The following KIF18B variants were observed in gnomAD, a reference collection of about 807,000 sequenced individuals.
KIF18B encodes kinesin family member 18B.
KIF18B carries 49 observed loss-of-function variants against 80.9 expected under a neutral mutation model. That is an observed-to-expected ratio of 0.61 (90% confidence interval 0.48 to 0.77). The LOEUF (loss-of-function observed/expected upper bound fraction) is 0.77. KIF18B is among the 30% of genes least tolerant of loss of function. The probability of loss-of-function intolerance (pLI) is 0.00; values close to 1 mark genes in which losing one functional copy is unlikely to be tolerated. For synonymous variants in KIF18B, 439 were observed against 463.9 expected (o/e 0.95, Z 0.69); for missense variants, 994 against 1,127.7 (o/e 0.88, Z 1.70).
At chr17:44,943,178 C>A (rs1010106612) in intron 1 of KIF18B, among the ~76,000 whole-genome samples, 1 of 152,146 alleles carries the variant, frequency 6.6e-6, no homozygotes, top group African/African-American at 2.4e-5. Context: ...CGGCTCACTG[C>A]AAGCTCCGCC....
rs760784182 is a variant in KIF18B, at chr17:44,931,625, T to C, written c.1494A>G (p.Glu498=). The stretch of plus-strand genomic sequence containing the variant: ...ACTGCTTAGAACGGTCCCCATCCAG[T>C]TCCCGTGCTGAGAAGTGGCCCACGA... ...KPVVGHFSAR[E]LDGDRSKQLA... The change falls in exon 11 of 16, where the codon GAA becomes GAG. Residue 498 remains glutamate (E), a synonymous_variant. Coordinates refer to ENST00000593135, the MANE Select transcript of KIF18B (RefSeq NM_001265577.2). 5 of 1,613,928 alleles carry C rather than the reference T, an allele frequency of 3.1e-6. No individual in the cohort carries two copies. The South Asian group carries it at 5.5e-5, about 18-fold the overall frequency.
chr17:44,926,443 T>C lies in KIF18B; in HGVS notation c.2423A>G (p.Lys808Arg). ...RIARLPSSTLKRPAGPLVLPE... is the reference protein window; with the variant it reads ...RIARLPSSTLRRPAGPLVLPE... ...GAGTACAAGGGGCCCAGCTGGCCTC[T>C]TCAAAGTGCTGCTGGGGAGGCGGGC... Residue 808 changes from lysine (K) to arginine (R), a missense_variant, in exon 15 of 16, where the codon AAG becomes AGG. Physicochemically the swap from Lys to Arg is conservative, Grantham distance 26. Transcript: ENST00000593135. 6.3e-7 allele frequency: 1 copy of C among 1,584,918 alleles called. No individual in the cohort carries two copies.
rs964775346 is a variant in KIF18B at position 44,936,439 on chromosome 17, C to T, written c.-14-81G>A. ...CCCCCTCAGTACTCCAAGGTCCCCT[C>T]CACCCACTCCCAATGACTGGTCTCT... On this transcript the variant is annotated intron_variant, in intron 1 of 15. Transcript: ENST00000593135. The T allele has an allele frequency of 2.7e-5, 32 of 1,173,768 alleles. No individual in the cohort carries two copies. In the African/African-American group the frequency reaches 5.0e-4, roughly 18 times the overall value. 72.7% of individuals were successfully genotyped at this position (1,173,768 alleles called of 1,614,324 possible).
chr17:44,926,291 C>T, intron 15 of KIF18B, 105 bp from the exon 16 acceptor site: 1 of 1,577,132 alleles, frequency 6.3e-7, no homozygotes, highest in Non-Finnish European at 8.6e-7. Context: ...AGCAGCATCC[C>T]TGAGATGCTT....
Position 44,944,316 on chromosome 17 carries a change from C to T in KIF18B, c.-15+3312G>A, listed in dbSNP as rs974900892. ...GGAGTGCAATGGCGTGGTCTCAGCTCACTGCAACCTCCGAGTCCCCGGTCC... is the reference window on the plus strand; with the variant it reads ...GGAGTGCAATGGCGTGGTCTCAGCTTACTGCAACCTCCGAGTCCCCGGTCC... On this transcript the variant is annotated intron_variant, in intron 1 of 15. Transcript: ENST00000593135. Among the ~76,000 whole-genome samples, 3 of 151,922 alleles carry T rather than the reference C, an allele frequency of 2.0e-5. No individual in the cohort carries two copies. The East Asian group carries it at 5.8e-4, about 30-fold the overall frequency.
At position 44,943,003 on chromosome 17, in the gene KIF18B, C is replaced by G. The variant is rs577608260; in HGVS notation, c.-15+4625G>C. Among the ~76,000 whole-genome samples, 6 of 152,344 alleles carry G rather than the reference C, an allele frequency of 3.9e-5. No homozygotes were observed. In the South Asian group the frequency reaches 6.2e-4, roughly 16 times the overall value. On this transcript the variant is annotated intron_variant, in intron 1 of 15. Coordinates refer to ENST00000593135, the MANE Select transcript of KIF18B (RefSeq NM_001265577.2). Reference sequence around the variant, plus strand: ...GCCCTGCAATTGGGCTTGGGTAGCTCCCATCTCCCCCTCACCTTGGTACCC... The same window carrying G: ...GCCCTGCAATTGGGCTTGGGTAGCTGCCATCTCCCCCTCACCTTGGTACCC...
At chr17:44,938,852 T>C (rs910553440) in intron 1 of KIF18B, among the ~76,000 whole-genome samples, 1 of 151,056 alleles carries the variant, frequency 6.6e-6, no homozygotes, top group African/African-American at 2.4e-5. Context: ...CGAGACCAGC[T>C]TGACTAACAT....
intron 1 of KIF18B, among the ~76,000 whole-genome samples, chr17:44,939,263 CG>C (rs1217810630): frequency 7.2e-6 from 1 of 138,802 alleles, no homozygotes; most frequent in African/African-American, 2.7e-5. Flanking sequence ...CGCAGCTACT[CG>C]GAAGGCTGAG....
chr17:44,927,125 A>G lies in KIF18B; in HGVS notation c.2277-47T>C, dbSNP rs1296222494. Reference sequence around the variant, plus strand: ...GGAGGCTGATCAGCAGGGAACCGGAAGCAAGGCCAGCCACTTCCTCCCTCC... The same window carrying G: ...GGAGGCTGATCAGCAGGGAACCGGAGGCAAGGCCAGCCACTTCCTCCCTCC... On this transcript the variant is annotated intron_variant, in intron 13 of 15. Coordinates refer to ENST00000593135, the MANE Select transcript of KIF18B (RefSeq NM_001265577.2). The surrounding 1 kb of genome is among the most constrained non-coding windows in gnomAD (Gnocchi z 4.1). 30 of 1,432,896 alleles carry G rather than the reference A, an allele frequency of 2.1e-5. No homozygotes were observed. The highest frequency in any genetic ancestry group is 2.9e-5 in the Non-Finnish European group (30 of 1,046,662). 88.8% of individuals were successfully genotyped at this position (1,432,896 alleles called of 1,614,324 possible).
At chr17:44,931,780 T>C in intron 10 of KIF18B, 51 bp from the exon 11 acceptor site, 1 of 1,597,072 alleles carries the variant, frequency 6.3e-7, no homozygotes, top group Non-Finnish European at 8.5e-7. Flanking sequence ...GGCCTCCTCA[T>C]CTTTATAAAC....
intron 1 of KIF18B, among the ~76,000 whole-genome samples, chr17:44,945,498 T>A (rs2052493360): frequency 6.6e-6 from 1 of 152,258 alleles, no homozygotes; most frequent in Non-Finnish European, 1.5e-5. Flanking sequence ...CCTCTAAGTA[T>A]CGCTTTAACT....
intron 1 of KIF18B, among the ~76,000 whole-genome samples, chr17:44,938,231 G>T (rs940789222): frequency 2.6e-5 from 4 of 152,164 alleles, no homozygotes; most frequent in Admixed American, 2.0e-4. Flanking sequence ...GGCCAGGCTG[G>T]TCTCAAACTC....
Position 44,928,859 on chromosome 17 carries a change from G to A in KIF18B, c.1683C>T (p.Ala561=), listed in dbSNP as rs2052087664. 4 of 1,613,730 alleles carry A rather than the reference G, an allele frequency of 2.5e-6. No homozygotes were observed. Among genetic ancestry groups the A allele is most frequent in the Non-Finnish European group, 3.4e-6 (4 of 1,179,824 alleles). ...GCTCCTGAGCCAGAGGTGCCCCCCT[G>A]GCCAGGCCTGAAGTCCTCAAGGCCT... ...GAEALRTSGL[A]RGAPLAQELC... Residue 561 remains alanine (A), a synonymous_variant, in exon 12 of 16, where the codon GCC becomes GCT. Transcript: ENST00000593135.
At position 44,927,861 on chromosome 17, in the gene KIF18B, GGCA is replaced by G. The variant is rs1293799158; in HGVS notation, c.2276+162_2276+164del. Among the ~76,000 whole-genome samples the G allele has an allele frequency of 1.3e-5, 2 of 152,174 alleles. No homozygotes were observed. Among genetic ancestry groups the G allele is most frequent in the Non-Finnish European group, 2.9e-5 (2 of 68,030 alleles). ...GCCCCAGGAGAAGTGACACCTCCCT[GGCA>G]GCTGTTGGGCCTGGGGAGCAAAGCG... On this transcript the variant is annotated intron_variant, in intron 13 of 15. Transcript: ENST00000593135. The surrounding 1 kb of genome is among the most constrained non-coding windows in gnomAD (Gnocchi z 4.1).
chr17:44,935,110 G>T, intron 3 of KIF18B, 149 bp downstream of exon 3: 2 of 930,218 alleles, frequency 2.2e-6, no homozygotes, highest in Non-Finnish European at 3.2e-6. Context: ...TGTCTCTAGT[G>T]CAGCATCTCA....
At chr17:44,940,165 G>A (rs1363625708) in intron 1 of KIF18B, among the ~76,000 whole-genome samples, 2 of 152,184 alleles carry the variant, frequency 1.3e-5, no homozygotes, top group South Asian at 2.1e-4. Flanking sequence ...CTTGTATCTG[G>A]CCACATTGCT....
rs561680670 is a variant in KIF18B, at chr17:44,927,589, C to T, written c.2276+437G>A. On this transcript the variant is annotated intron_variant, in intron 13 of 15. Transcript: ENST00000593135. The surrounding 1 kb of genome is among the most constrained non-coding windows in gnomAD (Gnocchi z 4.1). ...TTTTCTAAGGACCCCCTTTCCTGTT[C>T]CAGATGCTGGGCCGGAGGCCAAAAT... 6.6e-6 allele frequency among the ~76,000 whole-genome samples: 1 copy of T among 152,366 alleles called. No homozygotes were observed. Among genetic ancestry groups the T allele is most frequent in the South Asian group, 2.1e-4 (1 of 4,830 alleles).
rs1016022506 is a variant in KIF18B at position 44,927,050 on chromosome 17, C to A, written c.2305G>T (p.Gly769Cys). The change falls in exon 14 of 16, where the codon GGC becomes TGC. Residue 769 changes from glycine to cysteine, a missense_variant. Coordinates refer to ENST00000593135, the MANE Select transcript of KIF18B (RefSeq NM_001265577.2). The surrounding 1 kb of genome is among the most constrained non-coding windows in gnomAD (Gnocchi z 4.1). Reference protein sequence around the residue: ...RAPVPLFTMKGPKPTSSLPGT... With the variant: ...RAPVPLFTMKCPKPTSSLPGT... ...GGGAGGGAAGATGTTGGCTTGGGGC[C>A]CTTCATGGTGAACAGGGGCACAGGT... The A allele has an allele frequency of 6.2e-7, 1 of 1,612,554 alleles. No individual in the cohort carries two copies. Among genetic ancestry groups the A allele is most frequent in the East Asian group, 2.2e-5 (1 of 44,864 alleles).
chr17:44,928,856 C>T lies in KIF18B; in HGVS notation c.1686G>A (p.Arg562=), dbSNP rs369981350. Residue 562 remains arginine, a synonymous_variant, in exon 12 of 16, where the codon AGG becomes AGA. Transcript: ENST00000593135. ...ACAGCTCCTGAGCCAGAGGTGCCCC[C>T]CTGGCCAGGCCTGAAGTCCTCAAGG... ...AEALRTSGLA[R]GAPLAQELCS... is the part of the protein sequence containing the mutation. The T allele has an allele frequency of 3.1e-6, 5 of 1,613,860 alleles. No homozygotes were observed. The highest frequency in any genetic ancestry group is 1.3e-5 in the African/African-American group (1 of 75,028).
Sources: gnomAD v4.1 joint callset for allele counts (sites outside exome capture counted in the v4.1 genomes callset) on GRCh38, gnomAD v4.1.1 for gene constraint, Gnocchi (gnomAD v3.1) non-coding constraint, MANE v1.5 for transcripts, NCBI Gene and HGNC (gene_info 2026-07-23, HGNC 2026-07-21) for gene names.